NUAK1: variants seen among roughly 807,000 people sequenced by gnomAD.
NUAK1 encodes NUAK family SNF1-like kinase 1.
A neutral mutation model predicts 56.9 loss-of-function variants in NUAK1; 26 were observed. The observed-to-expected ratio is 0.46, with a 90% CI of 0.33 to 0.63. NUAK1 has a LOEUF of 0.63. Among genes scored for constraint, NUAK1 ranks in the 30% least tolerant of loss-of-function variants. The pLI is 0.02. For missense variants in NUAK1, 727 were observed against 876.1 expected, an observed-to-expected ratio of 0.83 and a Z score of 2.15; for synonymous variants, 337 against 336.0, an observed-to-expected ratio of 1.00 and a Z score of -0.03.
At position 106,063,470 on chromosome 12, in the gene NUAK1, T is replaced by C. The variant is rs1370602933; in HGVS notation, c.*3332A>G. On this transcript the variant is annotated 3_prime_UTR_variant, in exon 7 of 7. Coordinates refer to ENST00000261402, the MANE Select transcript of NUAK1 (RefSeq NM_014840.3). ...GGTTATCCAGCTTGTTTTTCCCCTG[T>C]AGGCTGTTCTGGGCTCAAACCAATC... 6.6e-6 allele frequency: 1 copy of C among 152,618 alleles called. No homozygotes were observed. Among genetic ancestry groups the C allele is most frequent in the Non-Finnish European group, 1.5e-5 (1 of 68,032 alleles). 9.5% of individuals were successfully genotyped at this position (152,618 alleles called of 1,614,324 possible).
Position 106,067,377 on chromosome 12 carries a change from T to A in NUAK1, c.1411A>T (p.Thr471Ser). 1 of 1,614,126 alleles carries A rather than the reference T, an allele frequency of 6.2e-7. No individual in the cohort carries two copies. Among genetic ancestry groups the A allele is most frequent in the Non-Finnish European group, 8.5e-7 (1 of 1,180,026 alleles). The change falls in exon 7 of 7, where the codon ACC becomes TCC. Residue 471 changes from threonine (T) to serine (S), a missense_variant. Coordinates refer to ENST00000261402, the MANE Select transcript of NUAK1 (RefSeq NM_014840.3). The surrounding 1 kb of genome is among the most constrained non-coding windows in gnomAD (Gnocchi z 6.0). Reference protein sequence around the residue: ...TMPKKGILKKTQQRESGYYSS... With the variant: ...TMPKKGILKKSQQRESGYYSS... ...TAGTAACCTGATTCTCTCTGCTGGG[T>A]CTTTTTCAAGATGCCTTTCTTGGGC...
chr12:106,066,659 G>C lies in NUAK1; in HGVS notation c.*143C>G. ...TCTCCCTTTTAGGTGTTGGCTCAAG[G>C]CTGCAAACTTGGCCAAGTGAGACAG... On this transcript the variant is annotated 3_prime_UTR_variant, in exon 7 of 7. Transcript: ENST00000261402. 4.1e-6 allele frequency: 3 copies of C among 725,710 alleles called. No homozygotes were observed. The highest frequency in any genetic ancestry group is 1.8e-5 in the African/African-American group (1 of 56,986). 45.0% of individuals were successfully genotyped at this position (725,710 alleles called of 1,614,324 possible). A position where few individuals can be genotyped will look rare whatever the true frequency, so the allele number is the denominator to read the frequency against.
intron 4 of NUAK1, among the ~76,000 whole-genome samples, chr12:106,073,662 A>G (rs899140955): frequency 6.6e-6 from 1 of 152,152 alleles, no homozygotes; most frequent in South Asian, 2.1e-4. Context: ...TACTAAAAAT[A>G]CAAAAATTAG....
intron 1 of NUAK1, 104 bp from the exon 2 acceptor site, chr12:106,106,629 C>T: frequency 8.1e-7 from 1 of 1,237,918 alleles, no homozygotes; most frequent in Non-Finnish European, 1.1e-6. Flanking sequence ...GTTGGCAGAA[C>T]TGACAATAAC....
chr12:106,092,433 G>A (rs953044540), intron 2 of NUAK1, among the ~76,000 whole-genome samples: 9 of 151,890 alleles, frequency 5.9e-5, no homozygotes, highest in East Asian at 3.9e-4. Context: ...GACAAGAATC[G>A]CTTGAACCCA....
In NUAK1 at chr12:106,067,013, C is replaced by T. The variant is rs147065969; in HGVS notation, c.1775G>A (p.Arg592His). Reference sequence around the variant, plus strand: ...GCTGCGGATGCGCTGGCGGGCAGGGCGATTCTCCTGCAAATCCAGCAAGTC... The same window carrying T: ...GCTGCGGATGCGCTGGCGGGCAGGGTGATTCTCCTGCAAATCCAGCAAGTC... ...SFDLLDLQENRPARQRIRSCV... is the reference protein window; with the variant it reads ...SFDLLDLQENHPARQRIRSCV... Residue 592 changes from arginine (R) to histidine (H), a missense_variant, in exon 7 of 7, where the codon CGC becomes CAC. By Grantham distance (29) the Arg-to-His change is conservative. Transcript: ENST00000261402. The surrounding 1 kb of genome is among the most constrained non-coding windows in gnomAD (Gnocchi z 6.0). 3.2e-4 allele frequency: 520 copies of T among 1,614,168 alleles called. 2 individuals carry two copies. The African/African-American group carries it at 5.7e-3, about 18-fold the overall frequency.
chr12:106,078,209 C>T (rs766839884), intron 4 of NUAK1, among the ~76,000 whole-genome samples: 6 of 152,280 alleles, frequency 3.9e-5, no homozygotes, highest in South Asian at 4.2e-4. Context: ...CCAGTCTATG[C>T]GACAGAGCAA....
intron 1 of NUAK1, among the ~76,000 whole-genome samples, chr12:106,136,328 G>T (rs1332896515): frequency 1.3e-5 from 2 of 152,192 alleles, no homozygotes; most frequent in Non-Finnish European, 2.9e-5. Flanking sequence ...CTTCAGATTT[G>T]CGGCTGGTAA....
chr12:106,079,649 T>C (rs569499769), intron 4 of NUAK1, among the ~76,000 whole-genome samples: 1 of 152,222 alleles, frequency 6.6e-6, no homozygotes, highest in Non-Finnish European at 1.5e-5. Context: ...GGGCCTTCCC[T>C]GACCACTCTA....
intron 1 of NUAK1, among the ~76,000 whole-genome samples, chr12:106,130,283 C>T (rs749494940): frequency 2.0e-5 from 3 of 152,150 alleles, no homozygotes; most frequent in Admixed American, 6.6e-5. Context: ...TGCCCAGCCT[C>T]GACACCTCAT....
chr12:106,073,918 C>T (rs538986043), intron 4 of NUAK1, among the ~76,000 whole-genome samples: 1 of 152,250 alleles, frequency 6.6e-6, no homozygotes, highest in South Asian at 2.1e-4. Flanking sequence ...GTACTCCACA[C>T]ACCTTGGAGT....
chr12:106,120,545 A>T (rs1476369620), intron 1 of NUAK1, among the ~76,000 whole-genome samples: 1 of 152,186 alleles, frequency 6.6e-6, no homozygotes, highest in Non-Finnish European at 1.5e-5. Flanking sequence ...CTGGGAGAAA[A>T]GGAGCAGCTG....
intron 4 of NUAK1, 30 bp from the exon 5 acceptor site, chr12:106,072,873 T>C (rs371290303): frequency 1.9e-6 from 3 of 1,612,754 alleles, no homozygotes; most frequent in African/African-American, 2.7e-5. Flanking sequence ...CCAGGGAGAC[T>C]TGTTAGCATT....
At chr12:106,094,794 G>C (rs935028545) in intron 2 of NUAK1, among the ~76,000 whole-genome samples, 12 of 152,232 alleles carry the variant, frequency 7.9e-5, no homozygotes, top group African/African-American at 2.2e-4. Context: ...CTGCAGAAGA[G>C]GGGATGCAGA....
At chr12:106,068,829 A>T (rs1449946871) in intron 6 of NUAK1, among the ~76,000 whole-genome samples, 2 of 152,234 alleles carry the variant, frequency 1.3e-5, no homozygotes, top group Non-Finnish European at 2.9e-5. Flanking sequence ...ACCTCCCCTC[A>T]GCTGCTTATG....
rs574902249 is a variant in NUAK1 at position 106,067,704 on chromosome 12, G to T, written c.1084C>A (p.Leu362Ile). Residue 362 changes from leucine to isoleucine, a missense_variant, in exon 7 of 7, where the codon CTA (leucine) becomes ATA (isoleucine). Coordinates refer to ENST00000261402, the MANE Select transcript of NUAK1 (RefSeq NM_014840.3). The surrounding 1 kb of genome is among the most constrained non-coding windows in gnomAD (Gnocchi z 6.0). The part of the protein sequence containing the change: ...LAKPTTSEVM[L>I]ERQRSLKKSK... ...TTCTTCAGCGACCGCTGCCGCTCTA[G>T]CATGACCTCAGAGGTCGTGGGTTTG... 1.9e-6 allele frequency: 3 copies of T among 1,614,220 alleles called. No individual in the cohort carries two copies. The highest frequency in any genetic ancestry group is 4.5e-5 in the East Asian group (2 of 44,878).
chr12:106,105,821 C>T (rs2032794281), intron 2 of NUAK1: 1 of 152,198 alleles, frequency 6.6e-6, no homozygotes, highest in Non-Finnish European at 1.5e-5. Context: ...CATTTCTTCT[C>T]ATGAAGGACC....
chr12:106,094,840 A>C (rs1402718469), intron 2 of NUAK1, among the ~76,000 whole-genome samples: 1 of 152,212 alleles, frequency 6.6e-6, no homozygotes, highest in African/African-American at 2.4e-5. Context: ...TGCTAGGATT[A>C]ATAGTGCCAA....
At position 106,067,741 on chromosome 12, in the gene NUAK1, C is replaced by A; in HGVS notation, c.1047G>T (p.Met349Ile). ...AGGTCGTGGGTTTGGCCAGGCCCTT[C>A]ATTTTGGCTTCGGTGTCAGCCTGCA... ...TGLQADTEAK[M>I]KGLAKPTTSE... Residue 349 changes from methionine to isoleucine, a missense_variant, in exon 7 of 7, where the codon ATG becomes ATT. By Grantham distance (10) the Met-to-Ile change is conservative. Coordinates refer to ENST00000261402, the MANE Select transcript of NUAK1 (RefSeq NM_014840.3). This position sits in a 1 kb window ranked among gnomAD's most constrained non-coding sequence, Gnocchi z 6.0. The A allele has an allele frequency of 6.2e-7, 1 of 1,614,200 alleles. No homozygotes were observed. Among genetic ancestry groups the A allele is most frequent in the Non-Finnish European group, 8.5e-7 (1 of 1,180,040 alleles).
Sources: gnomAD v4.1 joint callset for allele counts (sites outside exome capture counted in the v4.1 genomes callset) on GRCh38, gnomAD v4.1.1 for gene constraint, Gnocchi (gnomAD v3.1) non-coding constraint, MANE v1.5 for transcripts, NCBI Gene and HGNC (gene_info 2026-07-23, HGNC 2026-07-21) for gene names.